BMPR1B: variants seen among roughly 807,000 people sequenced by gnomAD.
The protein encoded by BMPR1B is bone morphogenetic protein receptor type-1B.
A neutral mutation model predicts 59.1 loss-of-function variants in BMPR1B; 12 were observed. That is an observed-to-expected ratio of 0.20 (90% CI 0.13 to 0.33). BMPR1B has a LOEUF of 0.33. Ranked by LOEUF, BMPR1B falls within the 10% of genes least tolerant of loss-of-function variation. The pLI is 1.00. For missense variants in BMPR1B, 550 were observed against 610.9 expected (o/e 0.90, Z 1.05); for synonymous variants, 237 against 207.3 (o/e 1.14, Z -1.23).
At chr4:95,074,002 T>C (rs1836263) in intron 3 of BMPR1B, among the ~76,000 whole-genome samples, 150,939 of 152,276 alleles carry the variant, frequency 0.99, 74,812 homozygotes, top group Middle Eastern at 1. Context: ...CAAAGTGTCT[T>C]TTAAAAGTGA....
chr4:94,900,950 C>A (rs1727786621), intron 2 of BMPR1B, among the ~76,000 whole-genome samples: 1 of 151,876 alleles, frequency 6.6e-6, no homozygotes, highest in African/African-American at 2.4e-5. Flanking sequence ...GTCAGACCTC[C>A]CGTGATGCTA....
At chr4:94,893,019 A>G (rs953409579) in intron 2 of BMPR1B, among the ~76,000 whole-genome samples, 1 of 152,038 alleles carries the variant, frequency 6.6e-6, no homozygotes, top group African/African-American at 2.4e-5. Context: ...ATCTAGCACT[A>G]TGAAGTTCAG....
intron 1 of BMPR1B, among the ~76,000 whole-genome samples, chr4:94,807,468 G>A (rs1258937036): frequency 6.6e-6 from 1 of 151,976 alleles, no homozygotes; most frequent in Non-Finnish European, 1.5e-5. Flanking sequence ...TGTACTTTTT[G>A]TTGTAAATCA....
chr4:94,763,593 C>T (rs1255185215), intron 1 of BMPR1B, among the ~76,000 whole-genome samples: 1 of 152,210 alleles, frequency 6.6e-6, no homozygotes, highest in Non-Finnish European at 1.5e-5. Flanking sequence ...TCCAGTATAT[C>T]TGTTTATAAC....
intron 3 of BMPR1B, among the ~76,000 whole-genome samples, chr4:95,060,242 T>C (rs781305383): frequency 6.6e-6 from 1 of 152,058 alleles, no homozygotes; most frequent in East Asian, 1.9e-4. Flanking sequence ...TTTGTACACA[T>C]TGAATTCAAG....
chr4:95,051,888 C>A, intron 3 of BMPR1B: 1 of 983,204 alleles, frequency 1.0e-6, no homozygotes, highest in Non-Finnish European at 1.5e-6. Context: ...CTATAAAGTT[C>A]CATCCCCCAT....
At chr4:95,102,349 G>A (rs191522503) in intron 3 of BMPR1B, among the ~76,000 whole-genome samples, 179 of 152,322 alleles carry the variant, frequency 1.2e-3, no homozygotes, top group African/African-American at 4.2e-3. Context: ...AATTCTGTGT[G>A]TGTTTAATTC....
chr4:94,862,416 G>T (rs113404427), intron 1 of BMPR1B, among the ~76,000 whole-genome samples: 101 of 151,630 alleles, frequency 6.7e-4, no homozygotes, highest in African/African-American at 2.3e-3. Flanking sequence ...CTCCCAAAGT[G>T]CTGGGATTAC....
At chr4:94,783,721 T>C (rs1479305429) in intron 1 of BMPR1B, among the ~76,000 whole-genome samples, 2 of 152,220 alleles carry the variant, frequency 1.3e-5, no homozygotes, top group African/African-American at 2.4e-5. Context: ...TGAAGGCCTT[T>C]AGGGCACCAG....
At chr4:94,773,291 A>G (rs1042254874) in intron 1 of BMPR1B, among the ~76,000 whole-genome samples, 3 of 152,102 alleles carry the variant, frequency 2.0e-5, no homozygotes, top group African/African-American at 7.2e-5. Context: ...TAGTTCCTTT[A>G]GAGCAAGGTA....
rs189366027 is a variant in BMPR1B at position 94,760,504 on chromosome 4, C to T, written c.-183+2436C>T. 3.5e-4 allele frequency among the ~76,000 whole-genome samples: 53 copies of T among 149,734 alleles called. No individual in the cohort carries two copies. In the Middle Eastern group the frequency reaches 0.014, roughly 39 times the overall value. The stretch of plus-strand genomic sequence containing the variant: ...TGTGCTTATCTTTTGCCACATATAG[C>T]ACCTCCTCCAGCTCTTTCTGAGCAC... On this transcript the variant is annotated intron_variant, in intron 1 of 12. Coordinates refer to ENST00000515059, the MANE Select transcript of BMPR1B (RefSeq NM_001203.3).
At chr4:94,989,232 T>C (rs1056847115) in intron 2 of BMPR1B, among the ~76,000 whole-genome samples, 6 of 151,592 alleles carry the variant, frequency 4.0e-5, no homozygotes, top group African/African-American at 1.2e-4. Flanking sequence ...CTACTAAAAA[T>C]ACAAAAATTA....
intron 2 of BMPR1B, among the ~76,000 whole-genome samples, chr4:94,968,938 T>A (rs907053892): frequency 4.6e-5 from 7 of 152,142 alleles, no homozygotes; most frequent in African/African-American, 9.7e-5. Flanking sequence ...TTTCCGTGAT[T>A]TTCTATTCAC....
intron 3 of BMPR1B, among the ~76,000 whole-genome samples, chr4:95,041,380 C>T (rs903775518): frequency 2.6e-5 from 4 of 152,068 alleles, no homozygotes; most frequent in African/African-American, 7.2e-5. Context: ...ACACTTTACA[C>T]GCTTTAGAGG....
chr4:94,964,942 C>G (rs1287823792), intron 2 of BMPR1B, among the ~76,000 whole-genome samples: 1 of 152,104 alleles, frequency 6.6e-6, no homozygotes, highest in East Asian at 1.9e-4. Flanking sequence ...GTACCCTTGC[C>G]CCTGCCTATT....
intron 11 of BMPR1B, among the ~76,000 whole-genome samples, chr4:95,152,259 G>A (rs1366896196): frequency 6.6e-6 from 1 of 152,098 alleles, no homozygotes; most frequent in Admixed American, 6.5e-5. Context: ...TCATACTATA[G>A]TAATAGAAAC....
chr4:95,112,912 G>T (rs142040899), intron 4 of BMPR1B, among the ~76,000 whole-genome samples: 278 of 152,154 alleles, frequency 1.8e-3, no homozygotes, highest in African/African-American at 6.5e-3. Flanking sequence ...ATGATAAGGA[G>T]AAATTAGTCT....
At chr4:94,885,829 A>G (rs942321926) in intron 2 of BMPR1B, among the ~76,000 whole-genome samples, 2 of 152,202 alleles carry the variant, frequency 1.3e-5, no homozygotes, top group Middle Eastern at 3.2e-3. Flanking sequence ...ACATGAATCC[A>G]GAAAAATACT....
chr4:94,809,560 T>C (rs1723737005), intron 1 of BMPR1B, among the ~76,000 whole-genome samples: 1 of 152,212 alleles, frequency 6.6e-6, no homozygotes, highest in Non-Finnish European at 1.5e-5. Context: ...TCACTACAGC[T>C]GCTTTCTTCT....
Sources: gnomAD v4.1 joint callset for allele counts (sites outside exome capture counted in the v4.1 genomes callset) on GRCh38, gnomAD v4.1.1 for gene constraint, MANE v1.5 for transcripts, NCBI Gene and HGNC (gene_info 2026-07-23, HGNC 2026-07-21) for gene names.